Variants in PFKFB2 observed in about 807,000 individuals in gnomAD.
PFKFB2 encodes the protein 6-phosphofructo-2-kinase/fructose-2,6-biphosphatase 2, also known as 6-phosphofructo-2-kinase/fructose-2,6-bisphosphatase 2.
In PFKFB2, 53 loss-of-function variants were observed where a neutral mutation model predicts 68.0. The observed-to-expected ratio is 0.78, with a 90% CI of 0.63 to 0.98. PFKFB2 has a LOEUF of 0.98. Ranked by LOEUF, PFKFB2 falls within the 50% of genes least tolerant of loss-of-function variation. The pLI, the probability that PFKFB2 is intolerant of heterozygous loss-of-function variation, is 0.00. For missense variants in PFKFB2, 451 were observed against 642.0 expected, an observed-to-expected ratio of 0.70 and a Z score of 3.22; for synonymous variants, 222 against 227.6, an observed-to-expected ratio of 0.98 and a Z score of 0.22.
In PFKFB2 at chr1:207,071,463, C is replaced by T. The variant is rs777244033; in HGVS notation, c.1286-46C>T. On this transcript the variant is annotated intron_variant, in intron 13 of 14. Coordinates refer to ENST00000367080, the MANE Select transcript of PFKFB2 (RefSeq NM_006212.2). ...ACTTTCCCATAACTAAGGAATTTTC[C>T]ATTGAACCTTTTTCTTTAAGTCCTC... 3.3e-6 allele frequency: 5 copies of T among 1,503,744 alleles called. No individual in the cohort carries two copies. The South Asian group carries it at 5.6e-5, about 17-fold the overall frequency. The allele number at this position is 1,503,744 out of a possible 1,614,324, so 93.2% of individuals were successfully genotyped here.
chr1:207,069,036 T>C (rs761373556), intron 10 of PFKFB2, among the ~76,000 whole-genome samples: 31 of 152,354 alleles, frequency 2.0e-4, no homozygotes, highest in Non-Finnish European at 3.4e-4. Context: ...TGAGCCACCG[T>C]GCCCGGCCGA....
intron 3 of PFKFB2, 87 bp from the exon 4 acceptor site, chr1:207,062,533 C>A: frequency 1.9e-6 from 3 of 1,553,280 alleles, no homozygotes; most frequent in South Asian, 2.5e-5. Flanking sequence ...TCCCCTTGGT[C>A]ACTCCGACAT....
chr1:207,057,436 C>G (rs1682961629), intron 2 of PFKFB2, among the ~76,000 whole-genome samples: 1 of 151,122 alleles, frequency 6.6e-6, no homozygotes, highest in Admixed American at 6.6e-5. Context: ...CGAGATCGCG[C>G]CACTGCACTA....
At chr1:207,051,321 A>T (rs34037939), upstream of PFKFB2, among the ~76,000 whole-genome samples, 126 of 152,292 alleles carry the variant, frequency 8.3e-4, no homozygotes, top group East Asian at 0.022. Flanking sequence ...TGAGGTCGGA[A>T]ATTATTAAAT....
Position 207,072,706 on chromosome 1 carries a change from T to G in PFKFB2, c.*335T>G. ...CCCACACTCTTGGATCTTCTCTCTG[T>G]TCCCTGGTGTCTTCACTAATGTCCT... On this transcript the variant is annotated 3_prime_UTR_variant, in exon 15 of 15. Transcript: ENST00000367080. The G allele has an allele frequency of 9.5e-7, 1 of 1,058,008 alleles. No homozygotes were observed. Among genetic ancestry groups the G allele is most frequent in the Non-Finnish European group, 1.1e-6 (1 of 876,980 alleles). The allele number at this position is 1,058,008 out of a possible 1,614,324, so 65.5% of individuals were successfully genotyped here.
At position 207,065,084 on chromosome 1, in the gene PFKFB2, G is replaced by A. The variant is rs368390449; in HGVS notation, c.556G>A (p.Val186Met). ...PDYPERNREN[V>M]MEDFLKRIEC... ...CTATCCTGAAAGGAACAGAGAGAACGTGATGGAGGACTTCCTGAAGAGAAT... is the reference window on the plus strand; with the variant it reads ...CTATCCTGAAAGGAACAGAGAGAACATGATGGAGGACTTCCTGAAGAGAAT... Residue 186 changes from valine to methionine, a missense_variant, in exon 8 of 15, where the codon GTG becomes ATG. Coordinates refer to ENST00000367080, the MANE Select transcript of PFKFB2 (RefSeq NM_006212.2). 4 of 1,614,090 alleles carry A rather than the reference G, an allele frequency of 2.5e-6. No homozygotes were observed. The highest frequency in any genetic ancestry group is 3.3e-5 in the Admixed American group (2 of 60,018).
At chr1:207,049,710 G>A (rs146170578), upstream of PFKFB2, 161 of 1,612,980 alleles carry the variant, frequency 1.0e-4, no homozygotes, top group African/African-American at 2.0e-3. Context: ...CTTCTTCAAT[G>A]ATCAGCATGT....
At chr1:207,059,208 T>C (rs940743902) in intron 2 of PFKFB2, among the ~76,000 whole-genome samples, 2 of 152,144 alleles carry the variant, frequency 1.3e-5, no homozygotes, top group Non-Finnish European at 2.9e-5. Context: ...TCCACATGGG[T>C]AAACAAGAGC....
rs1182297641 is a variant in PFKFB2, at chr1:207,070,012, GAA to G, written c.1093-263_1093-262del. 1.6e-5 allele frequency among the ~76,000 whole-genome samples: 2 copies of G among 123,072 alleles called. No homozygotes were observed. Among genetic ancestry groups the G allele is most frequent in the African/African-American group, 5.0e-5 (2 of 40,276 alleles). 80.7% of individuals were successfully genotyped at this position (123,072 alleles called of 152,430 possible). ...CACTGCCTGTATTAATCTGTGGGAA[GAA>G]AAAACACACACACACAGGTTGAACT... On this transcript the variant is annotated intron_variant, in intron 11 of 14. Coordinates refer to ENST00000367080, the MANE Select transcript of PFKFB2 (RefSeq NM_006212.2). This position sits in a 1 kb window ranked among gnomAD's most constrained non-coding sequence, Gnocchi z 4.2.
chr1:207,045,375 T>C (rs1339436016), intron 2 of PFKFB2: 3 of 152,518 alleles, frequency 2.0e-5, no homozygotes, highest in East Asian at 3.8e-4. Flanking sequence ...CACCAGAATG[T>C]TGTGCCAATA....
In PFKFB2 at chr1:207,073,374, T is replaced by G. The variant is rs1464143867; in HGVS notation, c.*1003T>G. 1.0e-6 allele frequency: 1 copy of G among 985,326 alleles called. No homozygotes were observed. Among genetic ancestry groups the G allele is most frequent in the Non-Finnish European group, 1.2e-6 (1 of 829,960 alleles). 61.0% of individuals were successfully genotyped at this position (985,326 alleles called of 1,614,324 possible). On this transcript the variant is annotated 3_prime_UTR_variant, in exon 15 of 15. Coordinates refer to ENST00000367080, the MANE Select transcript of PFKFB2 (RefSeq NM_006212.2). ...GCAACTTTTCCTGCCAAAGCCAGTA[T>G]CCTCTGGGGCTGTTTAGAAGGGCAG...
At chr1:207,067,741 CTTAGAG>C in intron 9 of PFKFB2, 35 bp downstream of exon 9, 1 of 1,530,922 alleles carries the variant, frequency 6.5e-7, no homozygotes, top group Non-Finnish European at 9.0e-7. Flanking sequence ...ATTTTCTAGG[CTTAGAG>C]TTAGAAGGGC....
At chr1:207,078,050 T>A (rs938390628), downstream of PFKFB2, among the ~76,000 whole-genome samples, 1 of 152,230 alleles carries the variant, frequency 6.6e-6, no homozygotes, top group Admixed American at 6.5e-5. Flanking sequence ...TGTGTTCCTG[T>A]TGGCACTTAT....
Position 207,074,761 on chromosome 1 carries a change from A to AAGAGAC in PFKFB2, c.*2393_*2398dup. The AAGAGAC allele has an allele frequency of 1.0e-6, 1 of 985,480 alleles. No individual in the cohort carries two copies. The allele number at this position is 985,480 out of a possible 1,614,324, so 61.0% of individuals were successfully genotyped here. A position where few individuals can be genotyped will look rare whatever the true frequency, so the allele number is the denominator to read the frequency against. Reference sequence around the variant, plus strand: ...TCCTTGTCCAGAGGAAGGTTATTTTAAGAGACAGGACATGTAATTTATAAC... The same window carrying AAGAGAC: ...TCCTTGTCCAGAGGAAGGTTATTTTAAGAGACAGAGACAGGACATGTAATTTATAAC... On this transcript the variant is annotated 3_prime_UTR_variant, in exon 15 of 15. Transcript: ENST00000367080.
At chr1:207,066,033 C>T (rs1320372901) in intron 8 of PFKFB2, among the ~76,000 whole-genome samples, 1 of 152,108 alleles carries the variant, frequency 6.6e-6, no homozygotes. Flanking sequence ...CATATTATAG[C>T]ATAACATATA....
In PFKFB2 at chr1:207,077,394, C is replaced by T. The variant is rs1683658314; in HGVS notation, c.*5023C>T. On this transcript the variant is annotated 3_prime_UTR_variant, in exon 15 of 15. Transcript: ENST00000367080. ...AAGCCTTTCACTGGATATCTGTGAC[C>T]AATGTTTACCTACGCAATGTTTTTG... is the stretch of plus-strand genomic sequence containing the variant. 1 of 984,620 alleles carries T rather than the reference C, an allele frequency of 1.0e-6. No individual in the cohort carries two copies. Among genetic ancestry groups the T allele is most frequent in the Non-Finnish European group, 1.2e-6 (1 of 829,392 alleles). 61.0% of individuals were successfully genotyped at this position (984,620 alleles called of 1,614,324 possible).
At chr1:207,066,483 T>C (rs887586627) in intron 8 of PFKFB2, among the ~76,000 whole-genome samples, 2 of 152,198 alleles carry the variant, frequency 1.3e-5, no homozygotes, top group Non-Finnish European at 2.9e-5. Context: ...CCTCTAGATA[T>C]GGCATAAAAG....
Position 207,072,187 on chromosome 1 carries a change from A to C in PFKFB2, c.1351-17A>C. 6.2e-7 allele frequency: 1 copy of C among 1,611,502 alleles called. No individual in the cohort carries two copies. The highest frequency in any genetic ancestry group is 8.5e-7 in the Non-Finnish European group (1 of 1,178,796). On this transcript the variant is annotated splice_polypyrimidine_tract_variant and intron_variant, in intron 14 of 14. Transcript: ENST00000367080. ...GCTTGGCTTTCATTTGTGTGGTGTC[A>C]CTCCATTTCCAATCAGAACAACTTC...
At position 207,076,796 on chromosome 1, in the gene PFKFB2, A is replaced by G. The variant is rs1417432943; in HGVS notation, c.*4425A>G. 1 of 985,236 alleles carries G rather than the reference A, an allele frequency of 1.0e-6. No individual in the cohort carries two copies. Among genetic ancestry groups the G allele is most frequent in the Non-Finnish European group, 1.2e-6 (1 of 829,862 alleles). The allele number at this position is 985,236 out of a possible 1,614,324, so 61.0% of individuals were successfully genotyped here. On this transcript the variant is annotated 3_prime_UTR_variant, in exon 15 of 15. Coordinates refer to ENST00000367080, the MANE Select transcript of PFKFB2 (RefSeq NM_006212.2). Reference sequence around the variant, plus strand: ...AGTGTCTGTGTGCTGACTGATAGATAGACTATAGTAAAATTTGGGTGTTGC... The same window carrying G: ...AGTGTCTGTGTGCTGACTGATAGATGGACTATAGTAAAATTTGGGTGTTGC...
Sources: gnomAD v4.1 joint callset for allele counts (sites outside exome capture counted in the v4.1 genomes callset) on GRCh38, gnomAD v4.1.1 for gene constraint, Gnocchi (gnomAD v3.1) non-coding constraint, MANE v1.5 for transcripts, NCBI Gene and HGNC (gene_info 2026-07-23, HGNC 2026-07-21) for gene names.